LARS2: variants seen among roughly 807,000 people sequenced by gnomAD.
LARS2 encodes leucine--tRNA ligase, mitochondrial.
A neutral mutation model predicts 116.6 loss-of-function variants in LARS2; 81 were observed. That is an observed-to-expected ratio of 0.69 (90% CI 0.58 to 0.84). The LOEUF (loss-of-function observed/expected upper bound fraction) is 0.84, where lower values mean the gene tolerates loss of function less well. LARS2 is among the 40% of genes least tolerant of loss of function. The pLI is 0.00. For missense variants in LARS2, 968 were observed against 1,114.5 expected, an observed-to-expected ratio of 0.87 and a Z score of 1.87; for synonymous variants, 396 against 407.2, an observed-to-expected ratio of 0.97 and a Z score of 0.33.
intron 7 of LARS2, among the ~76,000 whole-genome samples, chr3:45,447,537 C>G (rs77037894): frequency 0.014 from 2,163 of 151,666 alleles, 34 homozygotes; most frequent in African/African-American, 0.049. Flanking sequence ...GCCAAATTCT[C>G]TGTGTGTGTG....
chr3:45,471,377 G>T (rs1446631913), intron 8 of LARS2, among the ~76,000 whole-genome samples: 1 of 152,144 alleles, frequency 6.6e-6, no homozygotes, highest in Non-Finnish European at 1.5e-5. Context: ...CATAGATTTG[G>T]TTAGGTTTTA....
intron 17 of LARS2, among the ~76,000 whole-genome samples, chr3:45,517,680 G>A (rs1265404017): frequency 6.6e-6 from 1 of 152,218 alleles, no homozygotes; most frequent in Non-Finnish European, 1.5e-5. Flanking sequence ...CTGCCATCCA[G>A]TGCTCTGAAT....
intron 20 of LARS2, among the ~76,000 whole-genome samples, chr3:45,526,574 A>G (rs1482974279): frequency 6.6e-6 from 1 of 152,100 alleles, no homozygotes; most frequent in Non-Finnish European, 1.5e-5. Context: ...AGACAAAACT[A>G]ACATAAAAGC....
At chr3:45,453,137 TTTTC>T (rs908572637) in intron 7 of LARS2, among the ~76,000 whole-genome samples, 9 of 152,122 alleles carry the variant, frequency 5.9e-5, no homozygotes, top group Admixed American at 4.6e-4. Context: ...TTTTTCTTTC[TTTTC>T]TTTCTTTTTA....
chr3:45,431,066 C>A (rs982690518), intron 6 of LARS2, among the ~76,000 whole-genome samples: 3 of 152,102 alleles, frequency 2.0e-5, no homozygotes, highest in Admixed American at 6.5e-5. Flanking sequence ...ATGAAGAGAC[C>A]AGATAGCCCT....
Position 45,496,456 on chromosome 3 carries a change from C to T in LARS2, c.1622+83C>T, listed in dbSNP as rs1700012657. Reference sequence around the variant, plus strand: ...AAAGACCAAGATGGAATTAGACATGCAAGAGATTTCTTGGGGGGAAATGCC... The same window carrying T: ...AAAGACCAAGATGGAATTAGACATGTAAGAGATTTCTTGGGGGGAAATGCC... On this transcript the variant is annotated intron_variant, in intron 14 of 21. Transcript: ENST00000645846. 10 of 1,003,122 alleles carry T rather than the reference C, an allele frequency of 1.0e-5. No individual in the cohort carries two copies. The South Asian group carries it at 1.2e-4, about 12-fold the overall frequency. The allele number at this position is 1,003,122 out of a possible 1,614,324, so 62.1% of individuals were successfully genotyped here. A position where few individuals can be genotyped will look rare whatever the true frequency, so the allele number is the denominator to read the frequency against.
At chr3:45,446,844 G>T (rs763060385) in intron 6 of LARS2, 47 bp from the exon 7 acceptor site, 1 of 1,118,366 alleles carries the variant, frequency 8.9e-7, no homozygotes, top group Non-Finnish European at 1.3e-6. Context: ...CATGGCTGGG[G>T]GGATGTTTAT....
rs754541406 is a variant in LARS2 at position 45,478,157 on chromosome 3, G to A, written c.1018+1530G>A. ...TAAAATTTCTATGCATGCTTATAAA[G>A]CCCAATATAGCTGTCTCTCTCAGGT... On this transcript the variant is annotated intron_variant, in intron 10 of 21. Coordinates refer to ENST00000645846, the MANE Select transcript of LARS2 (RefSeq NM_015340.4). Among the ~76,000 whole-genome samples, 8 of 152,252 alleles carry A rather than the reference G, an allele frequency of 5.3e-5. No homozygotes were observed. The South Asian group carries it at 1.7e-3, about 32-fold the overall frequency.
At chr3:45,463,341 A>G (rs762203070) in intron 8 of LARS2, among the ~76,000 whole-genome samples, 1 of 152,230 alleles carries the variant, frequency 6.6e-6, no homozygotes, top group Non-Finnish European at 1.5e-5. Context: ...TTAAATGGAC[A>G]TAAGCATGCC....
At chr3:45,528,563 G>T (rs1278564772) in intron 20 of LARS2, among the ~76,000 whole-genome samples, 1 of 152,014 alleles carries the variant, frequency 6.6e-6, no homozygotes, top group Non-Finnish European at 1.5e-5. Context: ...ACTGAAAAAA[G>T]GTTCCCCACA....
intron 20 of LARS2, among the ~76,000 whole-genome samples, chr3:45,535,758 ACACACACACCCCCACACC>A (rs72252324): frequency 0.39 from 40,985 of 106,406 alleles, 5,780 homozygotes; most frequent in Middle Eastern, 0.51. Context: ...ACACACACAC[ACACACACACCCCCACACC>A]CACATACACA....
chr3:45,427,235 G>A (rs1304902600), intron 6 of LARS2, among the ~76,000 whole-genome samples: 1 of 152,118 alleles, frequency 6.6e-6, no homozygotes, highest in Non-Finnish European at 1.5e-5. Flanking sequence ...GTATTTAAAA[G>A]GTCTTGAAGA....
At chr3:45,534,213 A>G (rs546232672) in intron 20 of LARS2, among the ~76,000 whole-genome samples, 7 of 152,136 alleles carry the variant, frequency 4.6e-5, no homozygotes, top group Non-Finnish European at 8.8e-5. Context: ...AGCTGGGGAC[A>G]TAGCCCAGGC....
intron 15 of LARS2, among the ~76,000 whole-genome samples, chr3:45,507,716 A>G (rs1238852516): frequency 6.6e-6 from 1 of 152,140 alleles, no homozygotes; most frequent in Non-Finnish European, 1.5e-5. Context: ...CTTTATATAT[A>G]CAAGCACATA....
chr3:45,456,016 A>G (rs1699207770), intron 7 of LARS2, among the ~76,000 whole-genome samples: 1 of 152,034 alleles, frequency 6.6e-6, no homozygotes, highest in African/African-American at 2.4e-5. Context: ...GAGCAAGGGA[A>G]TGGGAAGTTA....
intron 4 of LARS2, among the ~76,000 whole-genome samples, chr3:45,401,771 C>T (rs1050429075): frequency 2.6e-5 from 4 of 152,070 alleles, no homozygotes; most frequent in African/African-American, 7.2e-5. Context: ...TGTGCCACCA[C>T]GCTCAGCTAA....
rs1384797848 is a variant in LARS2, at chr3:45,516,222, C to G, written c.1990C>G (p.Leu664Val). 1 of 1,614,180 alleles carries G rather than the reference C, an allele frequency of 6.2e-7. No individual in the cohort carries two copies. Among genetic ancestry groups the G allele is most frequent in the Non-Finnish European group, 8.5e-7 (1 of 1,180,014 alleles). The change falls in exon 17 of 22, where the codon CTC becomes GTC. Residue 664 changes from leucine to valine, a missense_variant. Coordinates refer to ENST00000645846, the MANE Select transcript of LARS2 (RefSeq NM_015340.4). ...GCAGTATGGGATCGACACGATTCGG[C>G]TCTACATCCTTTTTGCTGCCCCTCC... The part of the protein sequence containing the change: ...VEQYGIDTIR[L>V]YILFAAPPEK...
chr3:45,515,722 C>T (rs1244523941), intron 16 of LARS2, among the ~76,000 whole-genome samples: 1 of 152,166 alleles, frequency 6.6e-6, no homozygotes, highest in Non-Finnish European at 1.5e-5. Flanking sequence ...ATAAGAGACC[C>T]TTAATTCATC....
chr3:45,540,746 G>GTCTGTCTATCTGTCTA (rs763247398), intron 20 of LARS2, among the ~76,000 whole-genome samples: 1 of 149,112 alleles, frequency 6.7e-6, no homozygotes, highest in South Asian at 2.1e-4. Flanking sequence ...GTATCTATCT[G>GTCTGTCTATCTGTCTA]TCTATCTATC....
Sources: allele counts gnomAD v4.1 joint callset (sites outside exome capture counted in the v4.1 genomes callset), GRCh38; gene constraint gnomAD v4.1.1; transcripts MANE v1.5; gene names NCBI Gene and HGNC (gene_info 2026-07-23, HGNC 2026-07-21).